The following CERS2 variants were observed in gnomAD, a reference collection of about 807,000 sequenced individuals.
CERS2 encodes ceramide synthase 2.
A neutral mutation model predicts 56.6 loss-of-function variants in CERS2; 20 were observed. That is an observed-to-expected ratio of 0.35 (90% CI 0.25 to 0.51). The LOEUF (loss-of-function observed/expected upper bound fraction) is 0.51, where lower values mean the gene tolerates loss of function less well. CERS2 is among the 20% of genes least tolerant of loss of function. CERS2 has a pLI of 0.96. For missense variants in CERS2, 361 were observed against 488.6 expected, an observed-to-expected ratio of 0.74 and a Z score of 2.46; for synonymous variants, 187 against 175.4, an observed-to-expected ratio of 1.07 and a Z score of -0.52.
rs11549412 is a variant in CERS2, at chr1:150,974,780, C to G, written c.-163G>C. ...TCGCCCTCCCTCCTCCGCCAGCCGC[C>G]GGCGCCGCCGCCGCCGCCCGCCGAG... On this transcript the variant is annotated 5_prime_UTR_variant, in exon 1 of 11. Transcript: ENST00000368954. 53,340 of 152,536 alleles carry G rather than the reference C, an allele frequency of 0.35. 9,796 individuals are homozygous for G. Among genetic ancestry groups the G allele is most frequent in the South Asian group, 0.5 (2,840 of 5,638 alleles). The allele number at this position is 152,536 out of a possible 1,614,324, so 9.4% of individuals were successfully genotyped here.
In CERS2 at chr1:150,966,213, C is replaced by A; in HGVS notation, c.1078G>T (p.Ala360Ser). Residue 360 changes from alanine to serine, a missense_variant, in exon 11 of 11, where the codon GCA (alanine) becomes TCA (serine). Transcript: ENST00000368954. ...EGEEAAAGGG[A>S]KSRPLANGHP... ...CCATTGGCTAGGGGCCGGCTCTTTG[C>A]TCCTCCCCCAGCTGCAGCCTCCTCC... The A allele has an allele frequency of 6.2e-7, 1 of 1,607,004 alleles. No homozygotes were observed. The highest frequency in any genetic ancestry group is 8.5e-7 in the Non-Finnish European group (1 of 1,178,128).
In CERS2 at chr1:150,965,900, T is replaced by C. The variant is rs1354211547; in HGVS notation, c.*248A>G. The C allele has an allele frequency of 2.1e-5, 9 of 421,168 alleles. No homozygotes were observed. Among genetic ancestry groups the C allele is most frequent in the Non-Finnish European group, 3.3e-5 (8 of 239,076 alleles). The allele number at this position is 421,168 out of a possible 1,614,324, so 26.1% of individuals were successfully genotyped here. A position where few individuals can be genotyped will look rare whatever the true frequency, so the allele number is the denominator to read the frequency against. On this transcript the variant is annotated 3_prime_UTR_variant, in exon 11 of 11. Transcript: ENST00000368954. ...CCTCAAAAGCAGTAGAAAGGATGAC[T>C]TGGCGGGTAGGGAGGAAAATACGAC... is the stretch of plus-strand genomic sequence containing the variant.
At chr1:150,973,616 C>CA (rs1671237721) in intron 1 of CERS2, among the ~76,000 whole-genome samples, 1 of 152,210 alleles carries the variant, frequency 6.6e-6, no homozygotes, top group Non-Finnish European at 1.5e-5. Context: ...AGCCCCTTTA[C>CA]ATGTGCAGCC....
intron 1 of CERS2, among the ~76,000 whole-genome samples, chr1:150,971,300 G>A (rs1443512377): frequency 6.6e-6 from 1 of 152,230 alleles, no homozygotes. Flanking sequence ...TGAAGACAGA[G>A]CCTGAGACCA....
At position 150,974,782 on chromosome 1, in the gene CERS2, G is replaced by GCGCCGCCGC. The variant is rs988081439; in HGVS notation, c.-174_-166dup. The GCGCCGCCGC allele has an allele frequency of 1.3e-5, 2 of 153,224 alleles. No homozygotes were observed. The highest frequency in any genetic ancestry group is 3.9e-4 in the East Asian group (2 of 5,178). 9.5% of individuals were successfully genotyped at this position (153,224 alleles called of 1,614,324 possible). A position where few individuals can be genotyped will look rare whatever the true frequency, so the allele number is the denominator to read the frequency against. Reference sequence around the variant, plus strand: ...GCCCTCCCTCCTCCGCCAGCCGCCGGCGCCGCCGCCGCCGCCCGCCGAGCC... The same window carrying GCGCCGCCGC: ...GCCCTCCCTCCTCCGCCAGCCGCCGGCGCCGCCGCCGCCGCCGCCGCCGCCCGCCGAGCC... On this transcript the variant is annotated 5_prime_UTR_variant, in exon 1 of 11. Transcript: ENST00000368954.
intron 10 of CERS2, 29 bp from the exon 11 acceptor site, chr1:150,966,317 A>G (rs1269933453): frequency 3.7e-6 from 6 of 1,610,150 alleles, no homozygotes; most frequent in Non-Finnish European, 5.1e-6. Flanking sequence ...AAGGGTTATT[A>G]CATGAGATCC....
intron 1 of CERS2, among the ~76,000 whole-genome samples, chr1:150,972,275 T>TG (rs1671200530): frequency 6.6e-6 from 1 of 152,188 alleles, no homozygotes; most frequent in African/African-American, 2.4e-5. Context: ...CTGGTGGTCC[T>TG]GCACCTCCAT....
At chr1:150,966,398 T>G in intron 10 of CERS2, 78 bp downstream of exon 10, 2 of 1,601,134 alleles carry the variant, frequency 1.2e-6, no homozygotes, top group Admixed American at 3.4e-5. Flanking sequence ...ACTAGTTTTT[T>G]AGAGAGTTAC....
rs185209926 is a variant in CERS2 at position 150,968,146 on chromosome 1, C to T, written c.347G>A (p.Arg116His). Residue 116 changes from arginine (R) to histidine (H), a missense_variant, in exon 4 of 11, where the codon CGT (arginine) becomes CAT (histidine). Physicochemically the swap from Arg to His is conservative, Grantham distance 29. Around this residue, in one of 3 missense-constraint regions of CERS2, gnomAD observed 236 missense variants for 309.2 expected, o/e 0.76. Coordinates refer to ENST00000368954, the MANE Select transcript of CERS2 (RefSeq NM_022075.5). ...QSGLSGRQVE[R>H]WFRRRRNQDR... ...CTGGTTGCGGCGGCGACGGAACCAACGCTCTACCTGGCGGCCAGAGAGCCC... is the reference window on the plus strand; with the variant it reads ...CTGGTTGCGGCGGCGACGGAACCAATGCTCTACCTGGCGGCCAGAGAGCCC... 30 of 1,609,852 alleles carry T rather than the reference C, an allele frequency of 1.9e-5. No individual in the cohort carries two copies. The highest frequency in any genetic ancestry group is 1.6e-4 in the Middle Eastern group (1 of 6,062).
chr1:150,967,534 C>G (rs778072497), intron 6 of CERS2, 50 bp from the exon 7 acceptor site: 3 of 1,388,428 alleles, frequency 2.2e-6, no homozygotes, highest in South Asian at 2.3e-5. Context: ...GGTGTCCCCA[C>G]TCCACAAACC....
At chr1:150,971,538 A>G (rs1043062587) in intron 1 of CERS2, among the ~76,000 whole-genome samples, 2 of 151,552 alleles carry the variant, frequency 1.3e-5, no homozygotes, top group Admixed American at 6.6e-5. Context: ...CCTCCCCCAA[A>G]TCACACACAC....
intron 1 of CERS2, among the ~76,000 whole-genome samples, chr1:150,969,890 T>C (rs1031948148): frequency 1.3e-5 from 2 of 152,054 alleles, no homozygotes; most frequent in African/African-American, 4.8e-5. Flanking sequence ...TCCCCTTCCC[T>C]ACAACCTACA....
At chr1:150,971,005 C>T (rs1671166897) in intron 1 of CERS2, among the ~76,000 whole-genome samples, 1 of 152,152 alleles carries the variant, frequency 6.6e-6, no homozygotes, top group Non-Finnish European at 1.5e-5. Context: ...GTGTGTGGCT[C>T]ATGAGGGAAG....
chr1:150,971,189 G>A (rs1671171817), intron 1 of CERS2, among the ~76,000 whole-genome samples: 1 of 152,222 alleles, frequency 6.6e-6, no homozygotes, highest in South Asian at 2.1e-4. Context: ...ATGAGGCGGT[G>A]GGATTTAGGC....
chr1:150,966,784 T>C lies in CERS2; in HGVS notation c.820A>G (p.Ile274Val), dbSNP rs781122228. Residue 274 changes from isoleucine to valine, a missense_variant, in exon 9 of 11, where the codon ATC becomes GTC. By Grantham distance (29) the Ile-to-Val change is conservative. Transcript: ENST00000368954. ...AAGGGCAGGATGACCAGTCGGGTGA[T>C]GATAAAAACAATGGCGAAGACGATG... Reference protein sequence around the residue: ...IFIVFAIVFIITRLVILPFWI... With the variant: ...IFIVFAIVFIVTRLVILPFWI... 15 of 1,613,832 alleles carry C rather than the reference T, an allele frequency of 9.3e-6. No homozygotes were observed. In the African/African-American group the frequency reaches 1.7e-4, roughly 19 times the overall value.
Position 150,968,112 on chromosome 1 carries a change from G to C in CERS2, c.381C>G (p.Pro127=). 6.2e-7 allele frequency: 1 copy of C among 1,610,060 alleles called. No homozygotes were observed. The highest frequency in any genetic ancestry group is 8.5e-7 in the Non-Finnish European group (1 of 1,179,992). Residue 127 remains proline, a synonymous_variant, in exon 4 of 11, where the codon CCC becomes CCG. Coordinates refer to ENST00000368954, the MANE Select transcript of CERS2 (RefSeq NM_022075.5). ...WFRRRRNQDR[P]SLLKKFREAS... ...CTTCTCGGAACTTCTTGAGGAGACT[G>C]GGCCGGTCCTGGTTGCGGCGGCGAC...
chr1:150,966,026 T>G lies in CERS2; in HGVS notation c.*122A>C, dbSNP rs1670999815. 1 of 1,021,698 alleles carries G rather than the reference T, an allele frequency of 9.8e-7. No homozygotes were observed. The highest frequency in any genetic ancestry group is 1.7e-5 in the African/African-American group (1 of 60,186). 63.3% of individuals were successfully genotyped at this position (1,021,698 alleles called of 1,614,324 possible). On this transcript the variant is annotated 3_prime_UTR_variant, in exon 11 of 11. Coordinates refer to ENST00000368954, the MANE Select transcript of CERS2 (RefSeq NM_022075.5). The stretch of plus-strand genomic sequence containing the variant: ...CTGGGTGACAAGCAAGGAGGGAGGA[T>G]GCAGAGAACTCTCCTCTCACTTTCT...
chr1:150,973,311 A>C (rs1671227747), intron 1 of CERS2: 2 of 152,452 alleles, frequency 1.3e-5, no homozygotes, highest in Middle Eastern at 3.4e-3. Context: ...AAAGGCCTCC[A>C]CGGACCAAAA....
chr1:150,974,355 C>G (rs1398378209), intron 1 of CERS2: 1 of 151,042 alleles, frequency 6.6e-6, no homozygotes, highest in Non-Finnish European at 1.5e-5. Context: ...CAGGGCGGCG[C>G]TGCCGCGGAC....
Sources: gnomAD v4.1 joint callset for allele counts (sites outside exome capture counted in the v4.1 genomes callset) on GRCh38, gnomAD v4.1.1 for gene constraint, gnomAD v4.1.1 regional missense constraint, MANE v1.5 for transcripts, NCBI Gene and HGNC (gene_info 2026-07-23, HGNC 2026-07-21) for gene names.